Variants in DOCK1 observed in about 807,000 individuals in gnomAD.
DOCK1 encodes dedicator of cytokinesis 1.
A neutral mutation model predicts 262.7 loss-of-function variants in DOCK1; 138 were observed. The observed-to-expected ratio is 0.53, with a 90% CI of 0.46 to 0.61. The LOEUF (loss-of-function observed/expected upper bound fraction) is 0.61. DOCK1 is among the 20% of genes least tolerant of loss of function. The probability of loss-of-function intolerance (pLI) is 0.00; values close to 1 mark genes in which losing one functional copy is unlikely to be tolerated. For synonymous variants in DOCK1, 866 were observed against 867.4 expected (o/e 1.00, Z 0.03); for missense variants, 1,908 against 2,370.7 (o/e 0.80, Z 4.05).
intron 27 of DOCK1, among the ~76,000 whole-genome samples, chr10:127,230,321 G>T (rs1269574608): frequency 6.6e-6 from 1 of 151,842 alleles, no homozygotes; most frequent in Non-Finnish European, 1.5e-5. Flanking sequence ...GCTTTTTAAG[G>T]TTATATCCAA....
intron 27 of DOCK1, among the ~76,000 whole-genome samples, chr10:127,199,450 A>G (rs757914704): frequency 6.6e-6 from 1 of 152,202 alleles, no homozygotes; most frequent in African/African-American, 2.4e-5. Flanking sequence ...AATAATCCAA[A>G]TACCAGTCAA....
At chr10:127,374,863 C>T (rs1394539226) in intron 35 of DOCK1, among the ~76,000 whole-genome samples, 1 of 152,194 alleles carries the variant, frequency 6.6e-6, no homozygotes, top group Non-Finnish European at 1.5e-5. Context: ...AAGGATCCCC[C>T]CCTAGAGCTT....
rs1200932034 is a variant in DOCK1 at position 127,142,055 on chromosome 10, G to A, written c.2847+14291G>A. Among the ~76,000 whole-genome samples the A allele has an allele frequency of 2.6e-5, 4 of 152,290 alleles. No individual in the cohort carries two copies. In the East Asian group the frequency reaches 7.7e-4, roughly 29 times the overall value. ...TTGTGAGTGACCAGCTACCACAGTC[G>A]CTGTGCTAAGGGGAGCGTGAGAGTT... On this transcript the variant is annotated intron_variant, in intron 27 of 51. Coordinates refer to ENST00000623213, the MANE Select transcript of DOCK1 (RefSeq NM_001290223.2).
chr10:126,933,174 C>T (rs1179144174), intron 1 of DOCK1, among the ~76,000 whole-genome samples: 1 of 152,034 alleles, frequency 6.6e-6, no homozygotes, highest in Non-Finnish European at 1.5e-5. Context: ...AGATTTGCAG[C>T]TCTTGTGGGT....
intron 23 of DOCK1, among the ~76,000 whole-genome samples, chr10:127,098,600 T>G (rs2048049152): frequency 6.6e-6 from 1 of 152,140 alleles, no homozygotes; most frequent in African/African-American, 2.4e-5. Flanking sequence ...AAATGCTACC[T>G]TCCCAAATTC....
intron 29 of DOCK1, among the ~76,000 whole-genome samples, chr10:127,268,053 A>G (rs2060429372): frequency 6.6e-6 from 1 of 152,112 alleles, no homozygotes; most frequent in African/African-American, 2.4e-5. Context: ...TTGGGAAGAG[A>G]GGGCTGCTGG....
At chr10:127,195,729 C>A (rs1357912995) in intron 27 of DOCK1, among the ~76,000 whole-genome samples, 4 of 152,212 alleles carry the variant, frequency 2.6e-5, no homozygotes, top group Non-Finnish European at 5.9e-5. Flanking sequence ...TCCCTGACGT[C>A]GCCAAAGTTG....
chr10:126,955,538 G>A (rs1276531137), intron 1 of DOCK1, among the ~76,000 whole-genome samples: 1 of 152,184 alleles, frequency 6.6e-6, no homozygotes, highest in African/African-American at 2.4e-5. Flanking sequence ...CCCCGCCCAT[G>A]TTCGGGGCAC....
At chr10:127,161,925 G>C (rs563379805) in intron 27 of DOCK1, among the ~76,000 whole-genome samples, 1 of 152,322 alleles carries the variant, frequency 6.6e-6, no homozygotes, top group South Asian at 2.1e-4. Flanking sequence ...CCCTGTTCCA[G>C]AGAAACTTAG....
At chr10:127,251,243 T>C (rs2059628758) in intron 28 of DOCK1, among the ~76,000 whole-genome samples, 1 of 151,852 alleles carries the variant, frequency 6.6e-6, no homozygotes, top group South Asian at 2.1e-4. Flanking sequence ...CCTCCCAAAG[T>C]GCTGGGATTA....
intron 29 of DOCK1, 50 bp from the exon 30 acceptor site, chr10:127,338,956 A>C (rs1012294760): frequency 6.8e-7 from 1 of 1,474,322 alleles, no homozygotes; most frequent in African/African-American, 1.4e-5. Context: ...AACCTACCGA[A>C]GTGCCAGAGC....
chr10:126,918,981 G>GGAGGAGTTGGAGGTGGAGAAAGTCA (rs1564982408), intron 1 of DOCK1, among the ~76,000 whole-genome samples: 1 of 106,942 alleles, frequency 9.4e-6, no homozygotes, highest in African/African-American at 3.1e-5. Flanking sequence ...GGAGAAAGCC[G>GGAGGAGTTGGAGGTGGAGAAAGTCA]AGAGGGAGTG....
intron 27 of DOCK1, among the ~76,000 whole-genome samples, chr10:127,155,629 C>T (rs1172807675): frequency 6.6e-6 from 1 of 152,178 alleles, no homozygotes; most frequent in Non-Finnish European, 1.5e-5. Flanking sequence ...CCCTTTCCTC[C>T]TCATGGCAAG....
chr10:127,324,136 C>T (rs968275740), intron 29 of DOCK1, among the ~76,000 whole-genome samples: 1 of 152,182 alleles, frequency 6.6e-6, no homozygotes, highest in Non-Finnish European at 1.5e-5. Context: ...GATGCTGGCG[C>T]AGGAGCCCAC....
chr10:127,430,883 C>T (rs997817678), intron 47 of DOCK1, among the ~76,000 whole-genome samples: 2 of 152,152 alleles, frequency 1.3e-5, no homozygotes, highest in Non-Finnish European at 1.5e-5. Flanking sequence ...GAGACAGCGA[C>T]GTAAAACTCA....
chr10:127,076,989 G>A (rs2046601476), intron 23 of DOCK1, among the ~76,000 whole-genome samples: 2 of 152,144 alleles, frequency 1.3e-5, no homozygotes, highest in South Asian at 4.1e-4. Context: ...TTGAGAGTGT[G>A]GTGATTAGGG....
chr10:127,345,800 G>C (rs949993888), intron 31 of DOCK1, among the ~76,000 whole-genome samples: 43 of 152,146 alleles, frequency 2.8e-4, no homozygotes, highest in Non-Finnish European at 5.7e-4. Context: ...AGGGGCGCAG[G>C]CTCCTGCTTT....
At chr10:126,974,968 C>T (rs1426111304) in intron 2 of DOCK1, among the ~76,000 whole-genome samples, 1 of 152,046 alleles carries the variant, frequency 6.6e-6, no homozygotes, top group Admixed American at 6.6e-5. Flanking sequence ...CACAAAACTC[C>T]TTGCCTTTCA....
intron 27 of DOCK1, among the ~76,000 whole-genome samples, chr10:127,243,269 A>G (rs1294911542): frequency 6.6e-6 from 1 of 152,194 alleles, no homozygotes; most frequent in Admixed American, 6.5e-5. Flanking sequence ...TGACAAAGGC[A>G]CTGTTTAAAA....
Sources: gnomAD v4.1 joint callset for allele counts (sites outside exome capture counted in the v4.1 genomes callset) on GRCh38, gnomAD v4.1.1 for gene constraint, MANE v1.5 for transcripts, NCBI Gene and HGNC (gene_info 2026-07-23, HGNC 2026-07-21) for gene names.